Variants in MYT1L observed in about 807,000 individuals in gnomAD.
The protein encoded by MYT1L is myelin transcription factor 1-like protein.
In MYT1L, 12 loss-of-function variants were observed where a neutral mutation model predicts 126.7. That is an observed-to-expected ratio of 0.09 (90% CI 0.06 to 0.15). The LOEUF (loss-of-function observed/expected upper bound fraction) is 0.15. Among genes scored for constraint, MYT1L ranks in the 10% least tolerant of loss-of-function variants. MYT1L has a pLI of 1.00. For synonymous variants in MYT1L, 541 were observed against 604.2 expected (o/e 0.90, Z 1.53); for missense variants, 979 against 1,585.2 (o/e 0.62, Z 6.49).
chr2:1,983,736 TGGTCCCAG>T (rs1337342319), intron 5 of MYT1L, among the ~76,000 whole-genome samples: 1 of 152,240 alleles, frequency 6.6e-6, no homozygotes, highest in Non-Finnish European at 1.5e-5. Flanking sequence ...ATTCTTCTGG[TGGTCCCAG>T]GGCTGGAACT....
At chr2:2,296,556 G>GT (rs911813419) in intron 1 of MYT1L, among the ~76,000 whole-genome samples, 2 of 152,040 alleles carry the variant, frequency 1.3e-5, no homozygotes, top group Non-Finnish European at 2.9e-5. Flanking sequence ...CAGATGTTTT[G>GT]TTTTTTTCTA....
intron 2 of MYT1L, among the ~76,000 whole-genome samples, chr2:2,247,927 C>A (rs1369454139): frequency 6.6e-6 from 1 of 151,620 alleles, no homozygotes; most frequent in Admixed American, 6.6e-5. Flanking sequence ...GTGCTTACAT[C>A]GAAAAAGAAG....
intron 1 of MYT1L, among the ~76,000 whole-genome samples, chr2:2,289,908 G>C (rs1014722840): frequency 6.6e-6 from 1 of 152,204 alleles, no homozygotes; most frequent in African/African-American, 2.4e-5. Flanking sequence ...TGGCAGCAAG[G>C]GCAGGTTCCC....
chr2:2,139,421 A>G (rs1031711676), intron 3 of MYT1L, among the ~76,000 whole-genome samples: 1 of 152,026 alleles, frequency 6.6e-6, no homozygotes, highest in African/African-American at 2.4e-5. Flanking sequence ...GGAGTTCAAG[A>G]CTAGCCTGGC....
At chr2:1,983,499 T>C (rs1186072041) in intron 5 of MYT1L, among the ~76,000 whole-genome samples, 3 of 152,248 alleles carry the variant, frequency 2.0e-5, no homozygotes. Context: ...CCAGGAGGTT[T>C]TCATTTTCTA....
chr2:1,936,266 G>A (rs1431068812), intron 9 of MYT1L, among the ~76,000 whole-genome samples: 2 of 152,186 alleles, frequency 1.3e-5, no homozygotes, highest in Non-Finnish European at 2.9e-5. Context: ...TTTACAGCCA[G>A]ATTTTTGCTT....
At chr2:2,068,960 G>A (rs2074254387) in intron 3 of MYT1L, among the ~76,000 whole-genome samples, 1 of 151,910 alleles carries the variant, frequency 6.6e-6, no homozygotes, top group Non-Finnish European at 1.5e-5. Flanking sequence ...GGTGCCTGGA[G>A]TCTGTGGCTA....
chr2:2,302,914 G>A (rs2149537550), intron 1 of MYT1L, among the ~76,000 whole-genome samples: 1 of 152,186 alleles, frequency 6.6e-6, no homozygotes, highest in East Asian at 1.9e-4. Flanking sequence ...TGTGAATGAT[G>A]TTTGATCATA....
chr2:2,119,919 T>C (rs2080757707), intron 3 of MYT1L, among the ~76,000 whole-genome samples: 2 of 152,140 alleles, frequency 1.3e-5, no homozygotes, highest in African/African-American at 4.8e-5. Context: ...TGCGGAAATA[T>C]GACAGAGAAA....
intron 21 of MYT1L, 120 bp downstream of exon 21, chr2:1,839,029 C>T (rs888420871): frequency 1.1e-4 from 98 of 895,462 alleles, no homozygotes; most frequent in Non-Finnish European, 1.4e-4. Flanking sequence ...AGTTTTCAGC[C>T]TTTTCTTTCT....
At chr2:2,075,158 A>T (rs2075077640) in intron 3 of MYT1L, among the ~76,000 whole-genome samples, 1 of 152,224 alleles carries the variant, frequency 6.6e-6, no homozygotes, top group Non-Finnish European at 1.5e-5. Flanking sequence ...AAAGAAGCAG[A>T]GGGAATGGAG....
At chr2:2,105,140 A>G (rs2078590437) in intron 3 of MYT1L, among the ~76,000 whole-genome samples, 2 of 152,234 alleles carry the variant, frequency 1.3e-5, no homozygotes, top group Admixed American at 1.3e-4. Context: ...TCTTCAGAGA[A>G]TGCAGTTTCA....
At chr2:2,197,911 T>G (rs1354241613) in intron 2 of MYT1L, among the ~76,000 whole-genome samples, 1 of 151,104 alleles carries the variant, frequency 6.6e-6, no homozygotes, top group Admixed American at 6.6e-5. Flanking sequence ...TACAGATGTA[T>G]ATAACATACA....
At chr2:2,210,036 G>A (rs946356825) in intron 2 of MYT1L, among the ~76,000 whole-genome samples, 2 of 152,178 alleles carry the variant, frequency 1.3e-5, no homozygotes, top group African/African-American at 2.4e-5. Flanking sequence ...TTTCTCTGAT[G>A]TTCAGTGATG....
rs372025690 is a variant in MYT1L at position 1,801,835 on chromosome 2, T to C, written c.3173-36A>G. 1.1e-5 allele frequency: 14 copies of C among 1,291,244 alleles called. No homozygotes were observed. Among genetic ancestry groups the C allele is most frequent in the African/African-American group, 4.5e-5 (3 of 66,684 alleles). 80.0% of individuals were successfully genotyped at this position (1,291,244 alleles called of 1,614,324 possible). A position where few individuals can be genotyped will look rare whatever the true frequency, so the allele number is the denominator to read the frequency against. On this transcript the variant is annotated intron_variant, in intron 22 of 24. Coordinates refer to ENST00000647738, the MANE Select transcript of MYT1L (RefSeq NM_001303052.2). This position sits in a 1 kb window ranked among gnomAD's most constrained non-coding sequence, Gnocchi z 4.2. ...GAATATTAGTATGTTAAAACTGTTA[T>C]ATACAAAAATATTAGAGTTAGAATT... is the stretch of plus-strand genomic sequence containing the variant.
Position 1,928,200 on chromosome 2 carries a change from A to G in MYT1L, c.506-4937T>C, listed in dbSNP as rs111813046. Among the ~76,000 whole-genome samples the G allele has an allele frequency of 6.5e-3, 994 of 152,308 alleles. 9 individuals are homozygous for G. The highest frequency in any genetic ancestry group is 0.023 in the African/African-American group (949 of 41,562). On this transcript the variant is annotated intron_variant, in intron 9 of 24. Transcript: ENST00000647738. ...AGTGATCTGCCTGCCTCGGCCTCCC[A>G]TAGTGCTGGAATTACAGGTGTTAGC...
At chr2:1,935,163 C>T (rs569154798) in intron 9 of MYT1L, among the ~76,000 whole-genome samples, 1 of 152,170 alleles carries the variant, frequency 6.6e-6, no homozygotes, top group African/African-American at 2.4e-5. Context: ...AAGCCTCCAC[C>T]TCAGTTTATG....
At chr2:2,114,757 C>T (rs1486063442) in intron 3 of MYT1L, among the ~76,000 whole-genome samples, 1 of 152,176 alleles carries the variant, frequency 6.6e-6, no homozygotes, top group African/African-American at 2.4e-5. Context: ...TGGCCAGACC[C>T]AGGATCTTCA....
chr2:2,287,946 C>T (rs1431854321), intron 1 of MYT1L, among the ~76,000 whole-genome samples: 1 of 152,192 alleles, frequency 6.6e-6, no homozygotes, highest in Admixed American at 6.5e-5. Flanking sequence ...CAAGGCCTTA[C>T]ATTAAGAACT....
Sources: gnomAD v4.1 joint callset for allele counts (sites outside exome capture counted in the v4.1 genomes callset) on GRCh38, gnomAD v4.1.1 for gene constraint, Gnocchi (gnomAD v3.1) non-coding constraint, MANE v1.5 for transcripts, NCBI Gene and HGNC (gene_info 2026-07-23, HGNC 2026-07-21) for gene names.